Variants in EHBP1 observed in about 807,000 individuals in gnomAD.
The protein encoded by EHBP1 is EH domain binding protein 1.
A neutral mutation model predicts 144.0 loss-of-function variants in EHBP1; 55 were observed. That is an observed-to-expected ratio of 0.38 (90% CI 0.31 to 0.48). The LOEUF (loss-of-function observed/expected upper bound fraction) is 0.48. Ranked by LOEUF, EHBP1 falls within the 20% of genes least tolerant of loss-of-function variation. The pLI is 0.98. For missense variants in EHBP1, 1,200 were observed against 1,364.2 expected (o/e 0.88, Z 1.90); for synonymous variants, 469 against 472.7 (o/e 0.99, Z 0.10).
At chr2:62,974,950 C>G (rs953600630) in intron 14 of EHBP1, among the ~76,000 whole-genome samples, 3 of 152,156 alleles carry the variant, frequency 2.0e-5, no homozygotes, top group African/African-American at 2.4e-5. Flanking sequence ...CTATTATGCT[C>G]TACAAATTCT....
chr2:62,967,729 TGTA>T, intron 14 of EHBP1, among the ~76,000 whole-genome samples: 1 of 152,320 alleles, frequency 6.6e-6, no homozygotes, highest in East Asian at 1.9e-4. Flanking sequence ...GTATTTTCTT[TGTA>T]GGAGAGGAAA....
intron 2 of EHBP1, among the ~76,000 whole-genome samples, chr2:62,743,649 CAT>C (rs577899561): frequency 3.0e-4 from 45 of 152,218 alleles, no homozygotes; most frequent in South Asian, 2.5e-3. Context: ...TCACCTCACA[CAT>C]GTGTCATAAT....
In EHBP1 at chr2:62,831,135, A is replaced by C. The variant is rs2046797644; in HGVS notation, c.611A>C (p.Glu204Ala). ...GATGATGAGAACAGAGTGAACCAAG[A>C]AGAAAAGGCAGCTAAAATTACAGGT... ...EDDDENRVNQ[E>A]EKAAKITELI... The change falls in exon 7 of 23, where the codon GAA becomes GCA. Residue 204 changes from glutamate to alanine, a missense_variant. Coordinates refer to ENST00000431489, the MANE Select transcript of EHBP1 (RefSeq NM_001142616.3). 1 of 1,597,342 alleles carries C rather than the reference A, an allele frequency of 6.3e-7. No individual in the cohort carries two copies. Among genetic ancestry groups the C allele is most frequent in the Non-Finnish European group, 8.5e-7 (1 of 1,175,170 alleles).
intron 2 of EHBP1, among the ~76,000 whole-genome samples, chr2:62,744,816 A>C (rs577891332): frequency 2.0e-5 from 3 of 152,140 alleles, no homozygotes; most frequent in African/African-American, 7.2e-5. Context: ...CACTAGGAGG[A>C]TGTTGTGTAG....
chr2:62,908,916 T>C (rs1181556865), intron 10 of EHBP1, among the ~76,000 whole-genome samples: 2 of 152,210 alleles, frequency 1.3e-5, no homozygotes, highest in Non-Finnish European at 2.9e-5. Flanking sequence ...TATCTCCCAG[T>C]GCCTAGAACC....
chr2:62,755,950 A>G (rs1231449576), intron 3 of EHBP1, among the ~76,000 whole-genome samples: 3 of 152,138 alleles, frequency 2.0e-5, no homozygotes, highest in African/African-American at 7.2e-5. Context: ...AATGAGAAAC[A>G]TAAGGAAATG....
At chr2:62,916,492 A>T (rs983235064) in intron 10 of EHBP1, among the ~76,000 whole-genome samples, 3 of 151,564 alleles carry the variant, frequency 2.0e-5, no homozygotes, top group East Asian at 1.9e-4. Context: ...ACTCGAGTGG[A>T]TGAGGCTTGA....
intron 12 of EHBP1, 21 bp downstream of exon 12, chr2:62,943,871 A>G (rs956930929): frequency 4.4e-6 from 7 of 1,575,922 alleles, no homozygotes; most frequent in Admixed American, 1.7e-5. Context: ...ATGAGCAAGA[A>G]AAATACGTAG....
chr2:62,909,429 C>T (rs528260300), intron 10 of EHBP1, among the ~76,000 whole-genome samples: 75 of 152,308 alleles, frequency 4.9e-4, no homozygotes, highest in African/African-American at 1.7e-3. Flanking sequence ...GTGATCCACC[C>T]GCCTTGGCCT....
chr2:62,739,782 T>G (rs904682324), intron 2 of EHBP1, among the ~76,000 whole-genome samples: 12 of 151,322 alleles, frequency 7.9e-5, no homozygotes, highest in African/African-American at 2.7e-4. Flanking sequence ...CAAAAAAAAT[T>G]TAAAATTAGC....
At chr2:62,690,431 G>A (rs1251033279) in intron 1 of EHBP1, among the ~76,000 whole-genome samples, 1 of 151,888 alleles carries the variant, frequency 6.6e-6, no homozygotes, top group Non-Finnish European at 1.5e-5. Context: ...GTGTGGTGGT[G>A]GGCACCTGGA....
chr2:62,753,846 G>C (rs1280969748), intron 3 of EHBP1, among the ~76,000 whole-genome samples: 1 of 152,060 alleles, frequency 6.6e-6, no homozygotes, highest in Admixed American at 6.6e-5. Context: ...AGCTCCATCT[G>C]GTCATTTAAA....
intron 10 of EHBP1, among the ~76,000 whole-genome samples, chr2:62,875,104 T>G (rs896360604): frequency 2.0e-5 from 3 of 152,128 alleles, no homozygotes; most frequent in Non-Finnish European, 2.9e-5. Flanking sequence ...GCCCCATCCC[T>G]GCTGGTGTAT....
chr2:62,889,474 A>G (rs962017402), intron 10 of EHBP1, among the ~76,000 whole-genome samples: 1 of 152,048 alleles, frequency 6.6e-6, no homozygotes, highest in South Asian at 2.1e-4. Context: ...ATCTTGGTCC[A>G]TGCCTATTTC....
chr2:62,721,620 A>G (rs937540761), intron 2 of EHBP1, among the ~76,000 whole-genome samples: 4 of 152,236 alleles, frequency 2.6e-5, no homozygotes, highest in African/African-American at 9.6e-5. Flanking sequence ...TTGGTCACCA[A>G]TTTAAAAATT....
intron 19 of EHBP1, among the ~76,000 whole-genome samples, chr2:63,037,160 T>C (rs941855879): frequency 2.6e-5 from 4 of 152,004 alleles, no homozygotes; most frequent in African/African-American, 7.2e-5. Context: ...GCTAGTCTTA[T>C]GAGTCTCATA....
In EHBP1 at chr2:62,864,842, A is replaced by G. The variant is rs755925970; in HGVS notation, c.869A>G (p.Glu290Gly). 2 of 1,613,992 alleles carry G rather than the reference A, an allele frequency of 1.2e-6. No homozygotes were observed. The highest frequency in any genetic ancestry group is 2.7e-5 in the African/African-American group (2 of 74,928). The part of the protein sequence containing the change: ...QTPQYLNPFD[E>G]PEAFVTIKDS... ...CCACAGTATTTGAACCCATTCGATG[A>G]GCCAGAAGCATTTGTGACCATAAAG... The change falls in exon 9 of 23, where the codon GAG becomes GGG. Residue 290 changes from glutamate (E) to glycine (G), a missense_variant. Glu to Gly is a moderately conservative substitution (Grantham distance 98). Around this residue, in one of 6 missense-constraint regions of EHBP1, gnomAD observed 266 missense variants for 262.4 expected, o/e 1.01. Coordinates refer to ENST00000431489, the MANE Select transcript of EHBP1 (RefSeq NM_001142616.3).
At chr2:62,748,438 G>C (rs777277993) in intron 3 of EHBP1, among the ~76,000 whole-genome samples, 1 of 152,068 alleles carries the variant, frequency 6.6e-6, no homozygotes, top group Non-Finnish European at 1.5e-5. Flanking sequence ...AGGATCGCTT[G>C]AGGCTAGGAA....
At chr2:62,876,243 AC>A (rs2050879150) in intron 10 of EHBP1, among the ~76,000 whole-genome samples, 1 of 152,174 alleles carries the variant, frequency 6.6e-6, no homozygotes, top group Non-Finnish European at 1.5e-5. Context: ...AGGGCATGTC[AC>A]CTTTACAGGA....
Sources: gnomAD v4.1 joint callset for allele counts (sites outside exome capture counted in the v4.1 genomes callset) on GRCh38, gnomAD v4.1.1 for gene constraint, gnomAD v4.1.1 regional missense constraint, MANE v1.5 for transcripts, NCBI Gene and HGNC (gene_info 2026-07-23, HGNC 2026-07-21) for gene names.